Variants in TYW1B observed in about 807,000 individuals in gnomAD.
TYW1B encodes the protein S-adenosyl-L-methionine-dependent tRNA 4-demethylwyosine synthase TYW1B.
A neutral mutation model predicts 86.9 loss-of-function variants in TYW1B; 73 were observed. The observed-to-expected ratio is 0.84, with a 90% CI of 0.70 to 1.02. TYW1B has a LOEUF of 1.02. TYW1B is among the 50% of genes least tolerant of loss of function. The pLI is 0.00. For synonymous variants in TYW1B, 248 were observed against 292.8 expected, an observed-to-expected ratio of 0.85 and a Z score of 1.56; for missense variants, 637 against 827.4, an observed-to-expected ratio of 0.77 and a Z score of 2.82.
chr7:72,744,030 C>T (rs1420458895), intron 8 of TYW1B, among the ~76,000 whole-genome samples: 3 of 104,384 alleles, frequency 2.9e-5, no homozygotes, highest in East Asian at 2.3e-4. Flanking sequence ...ACATTCACTG[C>T]TTGTATTTCC....
chr7:72,593,876 T>C (rs1554432106), intron 13 of TYW1B, among the ~76,000 whole-genome samples: 1 of 131,640 alleles, frequency 7.6e-6, no homozygotes, highest in South Asian at 2.5e-4. Context: ...ACTAAAAAAT[T>C]CACAAATTTG....
At chr7:72,649,150 T>C (rs1375171558) in intron 11 of TYW1B, among the ~76,000 whole-genome samples, 11 of 152,068 alleles carry the variant, frequency 7.2e-5, no homozygotes, top group Non-Finnish European at 1.3e-4. Flanking sequence ...ATGGGAATTG[T>C]ATGGAAAAGG....
chr7:72,818,036 T>G (rs1200119907), intron 2 of TYW1B, among the ~76,000 whole-genome samples: 1 of 150,886 alleles, frequency 6.6e-6, no homozygotes, highest in Non-Finnish European at 1.5e-5. Context: ...GCCCTCCCCT[T>G]GGTGTTGAGT....
chr7:72,604,308 C>T (rs1262403579), intron 13 of TYW1B, among the ~76,000 whole-genome samples: 2 of 151,988 alleles, frequency 1.3e-5, no homozygotes, highest in Admixed American at 6.6e-5. Flanking sequence ...ATTAAAAATA[C>T]AAAAGTAGCC....
chr7:72,721,266 A>G (rs186092428), intron 9 of TYW1B, among the ~76,000 whole-genome samples: 2 of 152,184 alleles, frequency 1.3e-5, no homozygotes, highest in Non-Finnish European at 2.9e-5. Context: ...ACACCCAGTA[A>G]TGGGATGGCT....
chr7:72,645,021 G>T (rs1230481237), intron 11 of TYW1B, among the ~76,000 whole-genome samples: 3 of 152,066 alleles, frequency 2.0e-5, no homozygotes, highest in Non-Finnish European at 4.4e-5. Flanking sequence ...TAGAGATGCG[G>T]TTTCACCGTG....
chr7:72,723,665 T>C (rs7787919), intron 9 of TYW1B, among the ~76,000 whole-genome samples: 4,262 of 152,206 alleles, frequency 0.028, 75 homozygotes, highest in Non-Finnish European at 0.038. Context: ...TCCCAGATAT[T>C]TGAAAGGCTG....
intron 10 of TYW1B, among the ~76,000 whole-genome samples, chr7:72,700,155 CTTTTTTTTTTTTTTTTTTTTTTTT>C (rs587689485): frequency 2.7e-5 from 2 of 74,208 alleles, no homozygotes; most frequent in South Asian, 6.9e-4. Context: ...AGCTTTTACA[CTTTTTTTTTTTTTTTTTTTTTTTT>C]TTTTTTTTTT....
chr7:72,709,465 G>A (rs1444877530), intron 10 of TYW1B, among the ~76,000 whole-genome samples: 21 of 67,602 alleles, frequency 3.1e-4, no homozygotes, highest in African/African-American at 1.4e-3. Flanking sequence ...TCAGGAGATC[G>A]AGACCATCCT....
intron 13 of TYW1B, among the ~76,000 whole-genome samples, chr7:72,582,041 T>C (rs1554429692): frequency 6.6e-6 from 1 of 151,680 alleles, no homozygotes; most frequent in East Asian, 1.9e-4. Flanking sequence ...AGTGCTGGGA[T>C]AACACGTGTG....
At chr7:72,635,148 C>G (rs1554440572) in intron 11 of TYW1B, among the ~76,000 whole-genome samples, 1 of 151,998 alleles carries the variant, frequency 6.6e-6, no homozygotes, top group East Asian at 1.9e-4. Flanking sequence ...TCCACCAAAA[C>G]TGACTTTTGC....
At chr7:72,680,564 C>T (rs562880339) in intron 11 of TYW1B, among the ~76,000 whole-genome samples, 7 of 152,272 alleles carry the variant, frequency 4.6e-5, no homozygotes, top group East Asian at 1.9e-4. Flanking sequence ...GGACTTGGAA[C>T]GGCTTCCTGG....
At chr7:72,587,476 T>C (rs553849102) in intron 13 of TYW1B, among the ~76,000 whole-genome samples, 2 of 152,246 alleles carry the variant, frequency 1.3e-5, no homozygotes, top group Admixed American at 6.5e-5. Flanking sequence ...CCAGGAGTGC[T>C]GATTGGTCAG....
intron 9 of TYW1B, among the ~76,000 whole-genome samples, chr7:72,720,459 A>G (rs1786874527): frequency 6.6e-6 from 1 of 151,986 alleles, no homozygotes; most frequent in Non-Finnish European, 1.5e-5. Flanking sequence ...CATTTAGACA[A>G]TCACAAAAAC....
At chr7:72,605,927 C>T (rs1811783829) in intron 13 of TYW1B, among the ~76,000 whole-genome samples, 1 of 152,168 alleles carries the variant, frequency 6.6e-6, no homozygotes, top group Non-Finnish European at 1.5e-5. Flanking sequence ...CGAACCCCAA[C>T]TCTACAGTGG....
intron 7 of TYW1B, 151 bp downstream of exon 7, chr7:72,777,265 G>A (rs1344915914): frequency 1.7e-5 from 15 of 907,792 alleles, no homozygotes; most frequent in African/African-American, 5.0e-5. Context: ...CAACAGAAGC[G>A]ATCCACAGAA....
At chr7:72,594,790 G>C (rs1362201831) in intron 13 of TYW1B, among the ~76,000 whole-genome samples, 1 of 152,096 alleles carries the variant, frequency 6.6e-6, no homozygotes, top group Non-Finnish European at 1.5e-5. Context: ...CATATTAAAA[G>C]AATTATATGC....
chr7:72,603,431 A>G (rs781887257), intron 13 of TYW1B, among the ~76,000 whole-genome samples: 2 of 152,220 alleles, frequency 1.3e-5, no homozygotes, highest in African/African-American at 2.4e-5. Flanking sequence ...TGATACAGAT[A>G]TATAACTGAA....
intron 11 of TYW1B, among the ~76,000 whole-genome samples, chr7:72,683,790 G>A (rs1478167374): frequency 2.6e-5 from 4 of 152,146 alleles, no homozygotes; most frequent in African/African-American, 4.8e-5. Flanking sequence ...GCTCTGACAC[G>A]GCAGGGATGT....
Sources: gnomAD v4.1 joint callset for allele counts (sites outside exome capture counted in the v4.1 genomes callset) on GRCh38, gnomAD v4.1.1 for gene constraint, MANE v1.5 for transcripts, NCBI Gene and HGNC (gene_info 2026-07-23, HGNC 2026-07-21) for gene names.